Variants in CCDC27 observed in about 807,000 individuals in gnomAD.
CCDC27 encodes the protein coiled-coil domain containing 27.
A neutral mutation model predicts 80.3 loss-of-function variants in CCDC27; 80 were observed. The ratio of observed to expected loss-of-function variants is 1.00; its 90% CI spans 0.83 to 1.20. The LOEUF is 1.20. Among genes scored for constraint, CCDC27 ranks in the 50% most tolerant of loss-of-function variants. The probability of loss-of-function intolerance (pLI) is 0.00; values close to 1 mark genes in which losing one functional copy is unlikely to be tolerated. For synonymous variants in CCDC27, 342 were observed against 334.3 expected (o/e 1.02, Z -0.25); for missense variants, 815 against 809.4 (o/e 1.01, Z -0.08).
rs1643274638 is a variant in CCDC27, at chr1:3,768,002, G to T, written c.1743+557G>T. On this transcript the variant is annotated intron_variant, in intron 10 of 11. Coordinates refer to ENST00000294600, the MANE Select transcript of CCDC27 (RefSeq NM_152492.3). This position sits in a 1 kb window ranked among gnomAD's most constrained non-coding sequence, Gnocchi z 5.6. ...CAGTCTCAACTGCAGGGCTCCACTG[G>T]GGTGTCATATGAAACGTGAGCAAGG... Among the ~76,000 whole-genome samples the T allele has an allele frequency of 6.6e-6, 1 of 152,138 alleles. No individual in the cohort carries two copies. Among genetic ancestry groups the T allele is most frequent in the African/African-American group, 2.4e-5 (1 of 41,408 alleles).
chr1:3,758,660 T>A (rs979405835), intron 4 of CCDC27, among the ~76,000 whole-genome samples: 1 of 152,110 alleles, frequency 6.6e-6, no homozygotes, highest in African/African-American at 2.4e-5. Context: ...AGTGGAGTGA[T>A]CCCAGCTCCC....
chr1:3,753,759 G>A lies in CCDC27; in HGVS notation c.319-359G>A, dbSNP rs530559548. On this transcript the variant is annotated intron_variant, in intron 1 of 11. Coordinates refer to ENST00000294600, the MANE Select transcript of CCDC27 (RefSeq NM_152492.3). ...GCAGGCCCTTTCAACCCCAGTGGGA[G>A]AGTGGCTTAGTGCCTGTGACCAGCA... 3.3e-5 allele frequency among the ~76,000 whole-genome samples: 5 copies of A among 152,376 alleles called. No homozygotes were observed. In the South Asian group the frequency reaches 1.0e-3, roughly 32 times the overall value.
At position 3,754,254 on chromosome 1, in the gene CCDC27, C is replaced by T. The variant is rs771241421; in HGVS notation, c.442+13C>T. The T allele has an allele frequency of 4.5e-6, 7 of 1,568,558 alleles. No individual in the cohort carries two copies. The highest frequency in any genetic ancestry group is 6.1e-6 in the Non-Finnish European group (7 of 1,156,790). ...ATGTCCCACTGTGGTAAGAGCCCCC[C>T]ACCAGGACCGCCTGTGAAACTGCCT... On this transcript the variant is annotated intron_variant, in intron 2 of 11. Coordinates refer to ENST00000294600, the MANE Select transcript of CCDC27 (RefSeq NM_152492.3).
chr1:3,769,788 G>A lies in CCDC27; in HGVS notation c.1749G>A (p.Glu583=), dbSNP rs1333217770. The A allele has an allele frequency of 1.2e-6, 2 of 1,613,524 alleles. No homozygotes were observed. The highest frequency in any genetic ancestry group is 1.7e-6 in the Non-Finnish European group (2 of 1,179,502). ...TGTTGTCCCTTTGCTCACAGCTCGA[G>A]AGGTTAAGGAATAAGATCATCCAGG... ...VALESSQSRL[E]RLRNKIIQAT... is the part of the protein sequence containing the mutation. Residue 583 remains glutamate (E), a synonymous_variant, in exon 11 of 12, where the codon GAG becomes GAA. Coordinates refer to ENST00000294600, the MANE Select transcript of CCDC27 (RefSeq NM_152492.3). This position sits in a 1 kb window ranked among gnomAD's most constrained non-coding sequence, Gnocchi z 4.6.
rs2124598466 is a variant in CCDC27, at chr1:3,769,276, G to C, written c.1744-507G>C. ...GAACGCCTTCTGGGTCTGTGCGCGGGGGCCAGGTTCAACGCTGCTGTCCAT... is the reference window on the plus strand; with the variant it reads ...GAACGCCTTCTGGGTCTGTGCGCGGCGGCCAGGTTCAACGCTGCTGTCCAT... On this transcript the variant is annotated intron_variant, in intron 10 of 11. Transcript: ENST00000294600. This position sits in a 1 kb window ranked among gnomAD's most constrained non-coding sequence, Gnocchi z 4.6. Among the ~76,000 whole-genome samples, 1 of 152,222 alleles carries C rather than the reference G, an allele frequency of 6.6e-6. No homozygotes were observed. Among genetic ancestry groups the C allele is most frequent in the African/African-American group, 2.4e-5 (1 of 41,542 alleles).
intron 5 of CCDC27, 44 bp from the exon 6 acceptor site, chr1:3,762,576 G>A (rs530863043): frequency 4.7e-6 from 7 of 1,495,074 alleles, no homozygotes; most frequent in South Asian, 3.6e-5. Flanking sequence ...CTGGGGTGCT[G>A]CAGGAGGGGC....
intron 4 of CCDC27, among the ~76,000 whole-genome samples, chr1:3,759,652 T>TG (rs1024069322): frequency 1.3e-5 from 2 of 152,110 alleles, no homozygotes; most frequent in African/African-American, 4.8e-5. Context: ...ACAGAGGTGT[T>TG]GGGGGGTCAT....
rs547791621 is a variant in CCDC27, at chr1:3,768,087, C to T, written c.1743+642C>T. Among the ~76,000 whole-genome samples, 1 of 148,146 alleles carries T rather than the reference C, an allele frequency of 6.8e-6. No homozygotes were observed. Among genetic ancestry groups the T allele is most frequent in the Non-Finnish European group, 1.5e-5 (1 of 67,178 alleles). ...AAAAAGGAAATCAATAAAGAGCTGA[C>T]CTTTTTTTTTTTTTTTTTTTTTTCT... On this transcript the variant is annotated intron_variant, in intron 10 of 11. Transcript: ENST00000294600. This position sits in a 1 kb window ranked among gnomAD's most constrained non-coding sequence, Gnocchi z 5.6.
In CCDC27 at chr1:3,761,248, G is replaced by A. The variant is rs767878130; in HGVS notation, c.712-33G>A. ...CAGGGGAAGAGTGTGTGGCTGCATGGCCCACGGGGGCTGCCCTTGGTTTTC... is the reference window on the plus strand; with the variant it reads ...CAGGGGAAGAGTGTGTGGCTGCATGACCCACGGGGGCTGCCCTTGGTTTTC... On this transcript the variant is annotated intron_variant, in intron 4 of 11. Transcript: ENST00000294600. The surrounding 1 kb of genome is among the most constrained non-coding windows in gnomAD (Gnocchi z 5.0). 1 of 1,607,790 alleles carries A rather than the reference G, an allele frequency of 6.2e-7. No homozygotes were observed. Among genetic ancestry groups the A allele is most frequent in the East Asian group, 2.2e-5 (1 of 44,816 alleles).
At chr1:3,764,418 C>CAT (rs1643177239) in intron 8 of CCDC27, among the ~76,000 whole-genome samples, 2 of 152,128 alleles carry the variant, frequency 1.3e-5, no homozygotes, top group South Asian at 4.1e-4. Flanking sequence ...ATAGCATGCT[C>CAT]ATAGTGGCCA....
At chr1:3,771,178 A>G (rs1643352828) in intron 11 of CCDC27, among the ~76,000 whole-genome samples, 1 of 152,104 alleles carries the variant, frequency 6.6e-6, no homozygotes. Flanking sequence ...GAATATTCCC[A>G]CCACAGAAAC....
chr1:3,762,999 C>T, intron 6 of CCDC27, 109 bp from the exon 7 acceptor site: 1 of 1,326,684 alleles, frequency 7.5e-7, no homozygotes. Flanking sequence ...GACCCTGCAG[C>T]AGCCTGGAAG....
chr1:3,755,353 C>T, intron 2 of CCDC27, 104 bp from the exon 3 acceptor site: 2 of 975,600 alleles, frequency 2.1e-6, no homozygotes, highest in Non-Finnish European at 3.3e-6. Context: ...AAAAAGCCAC[C>T]TGTGTCCCTA....
chr1:3,752,775 CAT>C lies in CCDC27; in HGVS notation c.295_296del (p.Ile99GlnfsTer9), dbSNP rs767467696. On this transcript the variant is annotated frameshift_variant, in exon 1 of 12. Transcript: ENST00000294600. LOFTEE classifies it high-confidence loss of function. Reference sequence around the variant, plus strand: ...GCACGCTCAGCAAGTCGGTCCAGACCATCAGCCGCTACTACAGGAAGACGGTA... The same window carrying C: ...GCACGCTCAGCAAGTCGGTCCAGACCCAGCCGCTACTACAGGAAGACGGTA... ...PRTLSKSVQT[I>X]SRYYRKTSEP... is the part of the protein sequence containing the mutation. 1.2e-6 allele frequency: 2 copies of C among 1,612,862 alleles called. No homozygotes were observed. The highest frequency in any genetic ancestry group is 1.7e-6 in the Non-Finnish European group (2 of 1,179,474).
chr1:3,770,090 A>T (rs1257010017), intron 11 of CCDC27, among the ~76,000 whole-genome samples: 1 of 152,114 alleles, frequency 6.6e-6, no homozygotes, highest in East Asian at 1.9e-4. Context: ...GGGGCATGGC[A>T]CGGGAGTCTT....
intron 1 of CCDC27, among the ~76,000 whole-genome samples, chr1:3,753,327 T>C (rs138011467): frequency 0.21 from 26,901 of 130,382 alleles, 2,626 homozygotes; most frequent in Admixed American, 0.27. Flanking sequence ...TTTCTTTTTT[T>C]TTTTTTTTTT....
intron 1 of CCDC27, among the ~76,000 whole-genome samples, chr1:3,753,451 G>C (rs1055890980): frequency 6.6e-6 from 1 of 151,590 alleles, no homozygotes; most frequent in Admixed American, 6.6e-5. Flanking sequence ...AGCCTCCAGA[G>C]TAGCTGGGAT....
Position 3,755,546 on chromosome 1 carries a change from G to A in CCDC27, c.532G>A (p.Gly178Ser). 6.2e-7 allele frequency: 1 copy of A among 1,614,032 alleles called. No homozygotes were observed. The highest frequency in any genetic ancestry group is 8.5e-7 in the Non-Finnish European group (1 of 1,180,012). Residue 178 changes from glycine (G) to serine (S), a missense_variant, in exon 3 of 12, where the codon GGC (glycine) becomes AGC (serine). Transcript: ENST00000294600. ...GTQDLFLARR[G>S]SDTNVDGYLL... The stretch of plus-strand genomic sequence containing the variant: ...CCAGGACCTGTTCTTGGCCAGGCGG[G>A]GCTCAGACACGAACGTGGACGGTGA...
chr1:3,767,332 C>T lies in CCDC27; in HGVS notation c.1630C>T (p.Gln544Ter). ...SQLQEQVELDQNHLQRWKQLQ... is the reference protein window; with the variant it reads ...SQLQEQVELD ...GCTGCAGGAGCAGGTGGAACTGGAC[C>T]AGAACCACCTGCAGAGGTGGAAGCA... The change falls in exon 10 of 12, where the codon CAG (glutamine) becomes TAG (stop). Residue 544 changes from glutamine (Q) to a stop codon, truncating the protein, a stop_gained. Transcript: ENST00000294600. LOFTEE classifies it high-confidence loss of function. 6.2e-7 allele frequency: 1 copy of T among 1,613,992 alleles called. No homozygotes were observed.
Sources: allele counts gnomAD v4.1 joint callset (sites outside exome capture counted in the v4.1 genomes callset), GRCh38; gene constraint gnomAD v4.1.1; non-coding constraint Gnocchi (gnomAD v3.1); transcripts MANE v1.5; gene names NCBI Gene and HGNC (gene_info 2026-07-23, HGNC 2026-07-21).